The following DPRX variants were observed in gnomAD, a reference collection of about 807,000 sequenced individuals.
DPRX encodes divergent paired-related homeobox.
DPRX carries 11 observed loss-of-function variants against 8.4 expected under a neutral mutation model. The ratio of observed to expected loss-of-function variants is 1.31; its 90% CI spans 0.82 to 2.17. DPRX has a LOEUF of 2.17. Ranked by LOEUF, DPRX falls within the 30% of genes most tolerant of loss-of-function variation. The pLI is 0.00. For synonymous variants in DPRX, 72 were observed against 87.0 expected (o/e 0.83, Z 0.96); for missense variants, 211 against 236.7 (o/e 0.89, Z 0.71).
At chr19:53,620,571 G>T in the DPRX span, among the ~76,000 whole-genome samples, 1 of 151,482 alleles carries the variant, frequency 6.6e-6, no homozygotes, top group Non-Finnish European at 1.5e-5. Context: ...CACCATGTTG[G>T]TCAGGCTGGT....
the DPRX span, among the ~76,000 whole-genome samples, chr19:53,610,840 T>C: frequency 1.3e-5 from 2 of 152,156 alleles, no homozygotes; most frequent in African/African-American, 2.4e-5. Flanking sequence ...AGCCAAAAGA[T>C]TGGACACCAC....
At chr19:53,626,371 G>A in the DPRX span, among the ~76,000 whole-genome samples, 2 of 152,002 alleles carry the variant, frequency 1.3e-5, no homozygotes, top group Non-Finnish European at 2.9e-5. Flanking sequence ...AAGCCACCAC[G>A]CCCCACCGTG....
At chr19:53,630,210 C>T (rs2122156087), upstream of DPRX, among the ~76,000 whole-genome samples, 1 of 138,164 alleles carries the variant, frequency 7.2e-6, no homozygotes, top group South Asian at 2.4e-4. Context: ...GAGACTCCAT[C>T]TCAAAAAAAA....
chr19:53,624,404 T>G, the DPRX span, among the ~76,000 whole-genome samples: 1 of 150,808 alleles, frequency 6.6e-6, no homozygotes. Context: ...TTTTTTGTTT[T>G]GTTTTTTGTT....
the DPRX span, chr19:53,601,213 G>A: frequency 8.8e-6 from 4 of 455,940 alleles, no homozygotes; most frequent in East Asian, 1.4e-4. Flanking sequence ...CGCAGGAAGA[G>A]TGTTGGGCTC....
intron 1 of DPRX, among the ~76,000 whole-genome samples, chr19:53,634,312 T>G (rs1176362753): frequency 4.6e-5 from 7 of 152,096 alleles, no homozygotes; most frequent in Admixed American, 4.6e-4. Flanking sequence ...GCGCCTGTAA[T>G]CCCAGCTACT....
the DPRX span, among the ~76,000 whole-genome samples, chr19:53,613,957 G>GT: frequency 0.014 from 2,041 of 142,186 alleles, 11 homozygotes; most frequent in African/African-American, 0.031. Flanking sequence ...TATTTCCTTT[G>GT]TTTTTTTTTT....
At chr19:53,625,543 C>G in the DPRX span, among the ~76,000 whole-genome samples, 2 of 152,150 alleles carry the variant, frequency 1.3e-5, no homozygotes, top group African/African-American at 4.8e-5. Flanking sequence ...AAGGCACCCT[C>G]TCTTCCTGGT....
chr19:53,608,971 AAAAGG>A, the DPRX span, among the ~76,000 whole-genome samples: 4,009 of 115,672 alleles, frequency 0.035, 279 homozygotes, highest in African/African-American at 0.11. Flanking sequence ...AAAAAAAAAA[AAAAGG>A]AAAGAAAAGA....
the DPRX span, among the ~76,000 whole-genome samples, chr19:53,620,370 AT>A: frequency 6.7e-6 from 1 of 150,332 alleles, no homozygotes; most frequent in Non-Finnish European, 1.5e-5. Context: ...TACCCGGCCT[AT>A]TTTCTTCTTT....
At chr19:53,630,629 G>C (rs543918419), upstream of DPRX, among the ~76,000 whole-genome samples, 45 of 151,594 alleles carry the variant, frequency 3.0e-4, no homozygotes, top group African/African-American at 1.0e-3. Context: ...TTGAGACATA[G>C]CAAGACCCTG....
At chr19:53,627,866 C>T (rs933596628), upstream of DPRX, among the ~76,000 whole-genome samples, 1 of 151,432 alleles carries the variant, frequency 6.6e-6, no homozygotes, top group African/African-American at 2.4e-5. Flanking sequence ...GCCTGGCCAA[C>T]GTGGCAAATA....
At chr19:53,615,969 G>A in the DPRX span, among the ~76,000 whole-genome samples, 17 of 151,420 alleles carry the variant, frequency 1.1e-4, no homozygotes, top group Admixed American at 5.9e-4. Context: ...TAAAAAAGGC[G>A]GGGCTGGGTG....
chr19:53,601,627 A>G, the DPRX span, among the ~76,000 whole-genome samples: 40 of 151,924 alleles, frequency 2.6e-4, no homozygotes, highest in East Asian at 5.8e-4. Context: ...GATTACCGGC[A>G]CACACCACCA....
At chr19:53,608,065 C>T in the DPRX span, among the ~76,000 whole-genome samples, 5 of 132,998 alleles carry the variant, frequency 3.8e-5, no homozygotes, top group Non-Finnish European at 3.2e-5. Flanking sequence ...CCCAGCTACT[C>T]GGAGGCTGAG....
chr19:53,623,676 G>T, the DPRX span, among the ~76,000 whole-genome samples: 9 of 151,286 alleles, frequency 5.9e-5, no homozygotes, highest in Non-Finnish European at 8.8e-5. Context: ...TGGCGCAATG[G>T]CTCACGCCTG....
chr19:53,617,898 G>A, the DPRX span, among the ~76,000 whole-genome samples: 1 of 152,014 alleles, frequency 6.6e-6, no homozygotes, highest in Middle Eastern at 3.2e-3. Flanking sequence ...CCAGCACTTT[G>A]GGAGGCCAAG....
At chr19:53,609,019 G>C in the DPRX span, among the ~76,000 whole-genome samples, 1 of 145,096 alleles carries the variant, frequency 6.9e-6, no homozygotes, top group Non-Finnish European at 1.5e-5. Context: ...AAGCGAGAAA[G>C]AAAAGAAAGA....
chr19:53,602,038 C>T, the DPRX span: 27 of 456,558 alleles, frequency 5.9e-5, no homozygotes, highest in Middle Eastern at 3.3e-4. Flanking sequence ...TGTCTCCAGA[C>T]GGTGAAAGTG....
Sources: allele counts gnomAD v4.1 joint callset (sites outside exome capture counted in the v4.1 genomes callset), GRCh38; gene constraint gnomAD v4.1.1; transcripts MANE v1.5; gene names NCBI Gene and HGNC (gene_info 2026-07-23, HGNC 2026-07-21).